The following KDM4B variants were observed in gnomAD, a reference collection of about 807,000 sequenced individuals.
KDM4B encodes lysine demethylase 4B.
A neutral mutation model predicts 125.2 loss-of-function variants in KDM4B; 32 were observed. The observed-to-expected ratio is 0.26, with a 90% confidence interval of 0.19 to 0.34. KDM4B has a LOEUF of 0.34. Ranked by LOEUF, KDM4B falls within the 10% of genes least tolerant of loss-of-function variation. The pLI, the probability that KDM4B is intolerant of heterozygous loss-of-function variation, is 1.00. For missense variants in KDM4B, 1,190 were observed against 1,577.7 expected, an observed-to-expected ratio of 0.75 and a Z score of 4.16; for synonymous variants, 721 against 677.9, an observed-to-expected ratio of 1.06 and a Z score of -0.99.
chr19:5,110,795 G>T lies in KDM4B; in HGVS notation c.1092G>T (p.Ser364=), dbSNP rs754274253. The change falls in exon 10 of 23, where the codon TCG becomes TCT. Residue 364 remains serine, a synonymous_variant. Transcript: ENST00000159111. ...GCTCCTGGAGTGCATCCCGGGCCTC[G>T]CTGAAGGCCAAGCTCCTCCGCAGGT... The part of the protein sequence containing the change: ...ELSSWSASRA[S]LKAKLLRRSH... 6.3e-7 allele frequency: 1 copy of T among 1,593,624 alleles called. No homozygotes were observed. Among genetic ancestry groups the T allele is most frequent in the Non-Finnish European group, 8.5e-7 (1 of 1,170,502 alleles).
chr19:5,143,919 C>G, intron 18 of KDM4B, 48 bp from the exon 19 acceptor site: 1 of 1,461,156 alleles, frequency 6.8e-7, no homozygotes, highest in East Asian at 2.3e-5. Context: ...TTCCAGGGTC[C>G]CTAGGGAAGC....
intron 5 of KDM4B, among the ~76,000 whole-genome samples, chr19:5,045,290 C>T (rs915609555): frequency 3.9e-5 from 6 of 152,226 alleles, no homozygotes; most frequent in Non-Finnish European, 7.3e-5. Flanking sequence ...TGCATTCCCC[C>T]GATGGCTGCC....
chr19:5,105,102 G>A (rs1353764368), intron 9 of KDM4B, among the ~76,000 whole-genome samples: 1 of 152,212 alleles, frequency 6.6e-6, no homozygotes, highest in Non-Finnish European at 1.5e-5. Flanking sequence ...TGAGTTCTGG[G>A]GGCAGCGTGC....
At chr19:5,129,904 GAGTGCGGCGGCCCTC>G (rs1371487506) in intron 11 of KDM4B, among the ~76,000 whole-genome samples, 8 of 152,208 alleles carry the variant, frequency 5.3e-5, no homozygotes, top group African/African-American at 1.9e-4. Flanking sequence ...AACTTACCCT[GAGTGCGGCGGCCCTC>G]AGAGGGATTG....
chr19:5,140,909 G>C (rs1466366164), intron 18 of KDM4B: 2 of 152,256 alleles, frequency 1.3e-5, no homozygotes, highest in Non-Finnish European at 2.9e-5. Flanking sequence ...GTAGCACCCA[G>C]CAGCGTCCTG....
intron 11 of KDM4B, among the ~76,000 whole-genome samples, chr19:5,125,411 C>T (rs935283313): frequency 6.6e-6 from 1 of 152,172 alleles, no homozygotes; most frequent in Non-Finnish European, 1.5e-5. Context: ...GGCGGCTTTC[C>T]TCCCCTGACA....
chr19:5,086,542 C>T (rs1291367523), intron 9 of KDM4B, among the ~76,000 whole-genome samples: 3 of 152,190 alleles, frequency 2.0e-5, no homozygotes, highest in Non-Finnish European at 2.9e-5. Context: ...TGAGTAGTTC[C>T]GAAAAGCCAA....
At chr19:5,092,773 G>GCCTGGC (rs1423526287) in intron 9 of KDM4B, among the ~76,000 whole-genome samples, 3 of 152,170 alleles carry the variant, frequency 2.0e-5, no homozygotes, top group Non-Finnish European at 4.4e-5. Context: ...GGCTCGCAGG[G>GCCTGGC]CCTGGCCCTG....
At chr19:5,020,418 G>T (rs113956714) in intron 2 of KDM4B, among the ~76,000 whole-genome samples, 3,137 of 152,140 alleles carry the variant, frequency 0.021, 120 homozygotes, top group African/African-American at 0.072. Context: ...GGAATCGCGG[G>T]TCCAAGGGTA....
Position 5,137,277 on chromosome 19 carries a change from G to A in KDM4B, c.2324G>A (p.Arg775His), listed in dbSNP as rs576623184. The part of the protein sequence containing the change: ...LQVHASCYGI[R>H]PELVNEGWTC... ...TGTCTTCCAGGTTGCTATGGCATCC[G>A]TCCCGAGCTGGTCAATGAAGGCTGG... The change falls in exon 16 of 23, where the codon CGT becomes CAT. Residue 775 changes from arginine to histidine, a missense_variant. Physicochemically the swap from Arg to His is conservative, Grantham distance 29. Around this residue, in one of 7 missense-constraint regions of KDM4B, gnomAD observed 298 missense variants for 439.7 expected, o/e 0.68. Coordinates refer to ENST00000159111, the MANE Select transcript of KDM4B (RefSeq NM_015015.3). 13 of 1,577,078 alleles carry A rather than the reference G, an allele frequency of 8.2e-6. No homozygotes were observed. The East Asian group carries it at 9.3e-5, about 11-fold the overall frequency.
At chr19:4,993,199 C>T (rs1356446219) in intron 1 of KDM4B, among the ~76,000 whole-genome samples, 1 of 152,102 alleles carries the variant, frequency 6.6e-6, no homozygotes, top group Non-Finnish European at 1.5e-5. Context: ...CACCTGAGGT[C>T]AGCAGTTTGA....
chr19:5,077,386 G>C lies in KDM4B; in HGVS notation c.696G>C (p.Ser232=). 1.9e-6 allele frequency: 3 copies of C among 1,613,018 alleles called. No homozygotes were observed. Among genetic ancestry groups the C allele is most frequent in the South Asian group, 1.1e-5 (1 of 91,088 alleles). The change falls in exon 8 of 23, where the codon TCG becomes TCC. Residue 232 remains serine, a synonymous_variant. Transcript: ENST00000159111. ...RLAIGFFPGS[S]QGCDAFLRHK... Reference sequence around the variant, plus strand: ...CCCTAGGCTTCTTCCCCGGGAGCTCGCAGGGCTGCGACGCCTTCCTGCGGC... The same window carrying C: ...CCCTAGGCTTCTTCCCCGGGAGCTCCCAGGGCTGCGACGCCTTCCTGCGGC...
At chr19:5,083,374 A>G (rs542614654) in intron 9 of KDM4B, among the ~76,000 whole-genome samples, 1 of 152,202 alleles carries the variant, frequency 6.6e-6, no homozygotes, top group African/African-American at 2.4e-5. Flanking sequence ...AGTGACGGGG[A>G]CGTGGACGGG....
intron 9 of KDM4B, among the ~76,000 whole-genome samples, chr19:5,103,997 G>A (rs1432904582): frequency 1.3e-5 from 2 of 152,226 alleles, no homozygotes; most frequent in Non-Finnish European, 2.9e-5. Flanking sequence ...TCATGGGGTG[G>A]GTGAGGAGCA....
At chr19:4,978,016 G>A (rs935950193) in intron 1 of KDM4B, among the ~76,000 whole-genome samples, 5 of 152,200 alleles carry the variant, frequency 3.3e-5, no homozygotes, top group African/African-American at 9.6e-5. Flanking sequence ...GCTGTAGGCA[G>A]AGCGGGCCTC....
chr19:5,144,628 G>C (rs774230785), intron 20 of KDM4B, among the ~76,000 whole-genome samples, 155 bp from the exon 21 acceptor site: 7 of 152,168 alleles, frequency 4.6e-5, no homozygotes, highest in Non-Finnish European at 8.8e-5. Context: ...CCGCAGCCAG[G>C]GCTCTGCACC....
At chr19:5,066,823 A>G (rs997807441) in intron 6 of KDM4B, among the ~76,000 whole-genome samples, 16 of 152,198 alleles carry the variant, frequency 1.1e-4, no homozygotes, top group Admixed American at 6.5e-5. Context: ...ACTTGTGTAC[A>G]GCATTCCAGA....
chr19:5,083,324 C>T (rs1468296276), intron 9 of KDM4B, among the ~76,000 whole-genome samples: 1 of 152,178 alleles, frequency 6.6e-6, no homozygotes, highest in Non-Finnish European at 1.5e-5. Flanking sequence ...GTCGCCTTGG[C>T]TGGCCACCCC....
intron 17 of KDM4B, 21 bp from the exon 18 acceptor site, chr19:5,137,941 C>A (rs1325798534): frequency 1.2e-6 from 2 of 1,600,030 alleles, no homozygotes; most frequent in Non-Finnish European, 1.7e-6. Context: ...GCACCTGACC[C>A]CGCTGCACCT....
Sources: allele counts gnomAD v4.1 joint callset (sites outside exome capture counted in the v4.1 genomes callset), GRCh38; gene constraint gnomAD v4.1.1; regional missense constraint gnomAD v4.1.1; transcripts MANE v1.5; gene names NCBI Gene and HGNC (gene_info 2026-07-23, HGNC 2026-07-21).